Variants in ZNF366 observed in about 807,000 individuals in gnomAD.
ZNF366 encodes the protein zinc finger protein 366.
A neutral mutation model predicts 47.2 loss-of-function variants in ZNF366; 20 were observed. The ratio of observed to expected loss-of-function variants is 0.42; its 90% CI spans 0.30 to 0.62. The LOEUF (loss-of-function observed/expected upper bound fraction) is 0.62, where lower values mean the gene tolerates loss of function less well. ZNF366 is among the 20% of genes least tolerant of loss of function. The pLI, the probability that ZNF366 is intolerant of heterozygous loss-of-function variation, is 0.16. For missense variants in ZNF366, 987 were observed against 976.3 expected, an observed-to-expected ratio of 1.01 and a Z score of -0.15; for synonymous variants, 421 against 395.1, an observed-to-expected ratio of 1.07 and a Z score of -0.78.
chr5:72,480,909 G>T (rs1365012470), intron 1 of ZNF366, among the ~76,000 whole-genome samples: 2 of 152,188 alleles, frequency 1.3e-5, no homozygotes, highest in East Asian at 1.9e-4. Context: ...GGAGGATTAA[G>T]CAAGCCACGC....
intron 1 of ZNF366, among the ~76,000 whole-genome samples, chr5:72,475,074 T>C (rs1232424698): frequency 1.3e-5 from 2 of 152,188 alleles, no homozygotes; most frequent in Non-Finnish European, 2.9e-5. Flanking sequence ...GGGAGCTTCT[T>C]TGAGGAGGCT....
chr5:72,462,919 G>A (rs944643822), intron 1 of ZNF366, among the ~76,000 whole-genome samples: 1 of 152,238 alleles, frequency 6.6e-6, no homozygotes, highest in South Asian at 2.1e-4. Flanking sequence ...CACATTTCCA[G>A]TAAGGGTCAG....
At chr5:72,490,595 C>T (rs1743988927) in intron 1 of ZNF366, among the ~76,000 whole-genome samples, 1 of 152,130 alleles carries the variant, frequency 6.6e-6, no homozygotes, top group Non-Finnish European at 1.5e-5. Context: ...CATGGAGGGA[C>T]AATGGCAAGA....
Position 72,463,816 on chromosome 5 carries a change from T to C in ZNF366, c.-14-2306A>G, listed in dbSNP as rs547128278. Among the ~76,000 whole-genome samples, 3 of 152,312 alleles carry C rather than the reference T, an allele frequency of 2.0e-5. No individual in the cohort carries two copies. In the South Asian group the frequency reaches 6.2e-4, roughly 32 times the overall value. On this transcript the variant is annotated intron_variant, in intron 1 of 4. Transcript: ENST00000318442. ...GCAGGTCCTGATCTCTAGATTCACA[T>C]AGAGTTATAGAGGGTGTGGCCCTGG...
chr5:72,455,822 C>T (rs560965160), intron 3 of ZNF366, among the ~76,000 whole-genome samples: 15 of 152,314 alleles, frequency 9.8e-5, no homozygotes, highest in African/African-American at 2.4e-4. Flanking sequence ...CGCAGTTATT[C>T]CACAGCCCCA....
chr5:72,452,789 G>A (rs1391291121), intron 3 of ZNF366, among the ~76,000 whole-genome samples: 1 of 152,212 alleles, frequency 6.6e-6, no homozygotes, highest in Non-Finnish European at 1.5e-5. Context: ...TTCCTGGACA[G>A]GTTTCCCGAA....
intron 1 of ZNF366, among the ~76,000 whole-genome samples, chr5:72,496,446 C>T (rs1048454761): frequency 6.6e-6 from 1 of 152,140 alleles, no homozygotes; most frequent in Non-Finnish European, 1.5e-5. Context: ...TTTTGAGATT[C>T]ATCCATTGTT....
At position 72,461,011 on chromosome 5, in the gene ZNF366, G is replaced by A; in HGVS notation, c.486C>T (p.Pro162=). The change falls in exon 2 of 5, where the codon CCC becomes CCT. Residue 162 remains proline (P), a synonymous_variant. Coordinates refer to ENST00000318442, the MANE Select transcript of ZNF366 (RefSeq NM_152625.3). The stretch of plus-strand genomic sequence containing the variant: ...GCAGGAATGGAGTGGGCGTTGGCTG[G>A]GGCCACACGGCGCTGGGCTTAATGG... ...QEPIKPSAVW[P]QPTPTPFLPT... is the part of the protein sequence containing the mutation. 6.2e-7 allele frequency: 1 copy of A among 1,614,088 alleles called. No individual in the cohort carries two copies. The highest frequency in any genetic ancestry group is 1.1e-5 in the South Asian group (1 of 91,078).
At chr5:72,506,694 T>C (rs756597632) in intron 1 of ZNF366, among the ~76,000 whole-genome samples, 3 of 152,200 alleles carry the variant, frequency 2.0e-5, no homozygotes, top group Non-Finnish European at 4.4e-5. Context: ...GCTCCCCACA[T>C]GCAGAACTAT....
At position 72,472,542 on chromosome 5, in the gene ZNF366, C is replaced by A. The variant is rs948261921; in HGVS notation, c.-14-11032G>T. On this transcript the variant is annotated intron_variant, in intron 1 of 4. Coordinates refer to ENST00000318442, the MANE Select transcript of ZNF366 (RefSeq NM_152625.3). Reference sequence around the variant, plus strand: ...TGGGGACTTGCAAAATTAGGCTGACCTTCAATTAACTGCATTAAGAAAGCC... The same window carrying A: ...TGGGGACTTGCAAAATTAGGCTGACATTCAATTAACTGCATTAAGAAAGCC... The A allele has an allele frequency of 4.1e-6, 4 of 985,196 alleles. No homozygotes were observed. The African/African-American group carries it at 7.0e-5, about 17-fold the overall frequency. The allele number at this position is 985,196 out of a possible 1,614,324, so 61.0% of individuals were successfully genotyped here. A position where few individuals can be genotyped will look rare whatever the true frequency, so the allele number is the denominator to read the frequency against.
Position 72,460,736 on chromosome 5 carries a change from T to G in ZNF366, c.761A>C (p.Gln254Pro). 6.2e-7 allele frequency: 1 copy of G among 1,614,208 alleles called. No individual in the cohort carries two copies. The highest frequency in any genetic ancestry group is 8.5e-7 in the Non-Finnish European group (1 of 1,180,030). ...VDVGGSQKRW[Q>P]CPTCEKSYTS... ...GTAGGACTTCTCGCAGGTGGGGCAC[T>G]GCCAGCGCTTCTGCGAGCCGCCCAC... Residue 254 changes from glutamine to proline, a missense_variant, in exon 2 of 5, where the codon CAG (glutamine) becomes CCG (proline). Gln to Pro is a moderately conservative substitution (Grantham distance 76). Around this residue, in one of 3 missense-constraint regions of ZNF366, gnomAD observed 591 missense variants for 560.9 expected, o/e 1.05. Transcript: ENST00000318442.
intron 3 of ZNF366, 85 bp from the exon 4 acceptor site, chr5:72,447,502 C>T (rs1742984649): frequency 3.4e-6 from 5 of 1,485,754 alleles, no homozygotes; most frequent in East Asian, 4.6e-5. Context: ...ACCGTTTCTA[C>T]TTTGTTTGGA....
chr5:72,455,529 A>G (rs1003151894), intron 3 of ZNF366, among the ~76,000 whole-genome samples: 2 of 152,132 alleles, frequency 1.3e-5, no homozygotes, highest in African/African-American at 4.8e-5. Context: ...TGGCCAGTAC[A>G]TCACTCGGAT....
At chr5:72,453,510 C>A (rs1372636527) in intron 3 of ZNF366, among the ~76,000 whole-genome samples, 3 of 152,262 alleles carry the variant, frequency 2.0e-5, no homozygotes, top group African/African-American at 7.2e-5. Flanking sequence ...CCCCAACAAC[C>A]TTCAACCAAG....
chr5:72,486,420 GC>G (rs1561202208), intron 1 of ZNF366, among the ~76,000 whole-genome samples: 4 of 152,188 alleles, frequency 2.6e-5, no homozygotes, highest in African/African-American at 9.6e-5. Context: ...TGACTGTGAG[GC>G]CCAAGGAAAC....
At chr5:72,446,325 G>A (rs753363057) in intron 4 of ZNF366, among the ~76,000 whole-genome samples, 1 of 152,198 alleles carries the variant, frequency 6.6e-6, no homozygotes, top group Non-Finnish European at 1.5e-5. Flanking sequence ...TCATACTAGT[G>A]ACCGAAAAGC....
chr5:72,453,430 G>A (rs1743115989), intron 3 of ZNF366, among the ~76,000 whole-genome samples: 1 of 152,214 alleles, frequency 6.6e-6, no homozygotes, highest in African/African-American at 2.4e-5. Flanking sequence ...AGCCAGCCAT[G>A]TCTCTCAGAT....
At chr5:72,451,587 A>T (rs900281629) in intron 3 of ZNF366, among the ~76,000 whole-genome samples, 1 of 152,246 alleles carries the variant, frequency 6.6e-6, no homozygotes. Context: ...AGCTCTTTTT[A>T]CTATCATTAT....
intron 1 of ZNF366, among the ~76,000 whole-genome samples, chr5:72,482,168 G>C (rs1390502413): frequency 2.6e-5 from 4 of 152,136 alleles, no homozygotes; most frequent in Non-Finnish European, 4.4e-5. Flanking sequence ...AAAATAACTA[G>C]AAATCTGGAC....
Sources: allele counts gnomAD v4.1 joint callset (sites outside exome capture counted in the v4.1 genomes callset), GRCh38; gene constraint gnomAD v4.1.1; regional missense constraint gnomAD v4.1.1; transcripts MANE v1.5; gene names NCBI Gene and HGNC (gene_info 2026-07-23, HGNC 2026-07-21).